Variants in TEAD2 observed in about 807,000 individuals in gnomAD.
TEAD2 encodes the protein TEA domain transcription factor 2.
TEAD2 carries 51 observed loss-of-function variants against 61.4 expected under a neutral mutation model. The observed-to-expected ratio is 0.83, with a 90% CI of 0.66 to 1.05. The LOEUF is 1.05. TEAD2 is among the 50% of genes least tolerant of loss of function. The pLI is 0.00. For synonymous variants in TEAD2, 244 were observed against 243.2 expected (o/e 1.00, Z -0.03); for missense variants, 509 against 600.0 (o/e 0.85, Z 1.58).
rs905789005 is a variant in TEAD2, at chr19:49,347,078, T to C, written c.921+112A>G. 4.6e-5 allele frequency: 64 copies of C among 1,394,708 alleles called. No homozygotes were observed. In the East Asian group the frequency reaches 1.5e-3, roughly 32 times the overall value. The allele number at this position is 1,394,708 out of a possible 1,614,324, so 86.4% of individuals were successfully genotyped here. A position where few individuals can be genotyped will look rare whatever the true frequency, so the allele number is the denominator to read the frequency against. ...ACTCCAAGCCATGAGGACTGACTGG[T>C]AAGTCCCAGGCTGACCTGGTAGGGC... On this transcript the variant is annotated intron_variant, in intron 10 of 12. Coordinates refer to ENST00000593945, the MANE Select transcript of TEAD2 (RefSeq NM_001256660.2).
At chr19:49,356,186 T>C (rs1972381389) in intron 4 of TEAD2, 1 of 389,892 alleles carries the variant, frequency 2.6e-6, no homozygotes, top group Non-Finnish European at 4.5e-6. Flanking sequence ...TGATGGGGGT[T>C]TCTAGAACAA....
Position 49,360,051 on chromosome 19 carries a change from C to T in TEAD2, c.25G>A (p.Ala9Thr), listed in dbSNP as rs768259774. The T allele has an allele frequency of 1.7e-5, 27 of 1,606,932 alleles. No individual in the cohort carries two copies. The highest frequency in any genetic ancestry group is 2.0e-5 in the Non-Finnish European group (24 of 1,179,790). Residue 9 changes from alanine (A) to threonine (T), a missense_variant, in exon 2 of 13, where the codon GCC becomes ACC. Ala to Thr is a moderately conservative substitution (Grantham distance 58). Coordinates refer to ENST00000593945, the MANE Select transcript of TEAD2 (RefSeq NM_001256660.2). Reference protein sequence around the residue: MGEPRAGAALDDGSGWTGS... With the variant: MGEPRAGATLDDGSGWTGS... ...GTCCAGCCGCTGCCATCGTCCAGGG[C>T]GGCCCCAGCCCGGGGTTCCCCCATC... is the stretch of plus-strand genomic sequence containing the variant.
intron 10 of TEAD2, among the ~76,000 whole-genome samples, chr19:49,346,934 G>A (rs1971682516): frequency 6.6e-6 from 1 of 152,188 alleles, no homozygotes; most frequent in Admixed American, 6.5e-5. Context: ...ACATGGCCAG[G>A]TAACTCACCG....
chr19:49,349,646 C>CCT (rs1841837363), intron 8 of TEAD2, among the ~76,000 whole-genome samples: 1 of 152,068 alleles, frequency 6.6e-6, no homozygotes. Context: ...TCTCTTGCTC[C>CCT]CTCTCACCAT....
Position 49,340,617 on chromosome 19 carries a change from C to T in TEAD2, c.*707G>A. ...GCGTTTTTGGTAAAATAGCTTTATCCTCTGTCAGAACACAAACAAACAAAC... is the reference window on the plus strand; with the variant it reads ...GCGTTTTTGGTAAAATAGCTTTATCTTCTGTCAGAACACAAACAAACAAAC... On this transcript the variant is annotated 3_prime_UTR_variant, in exon 13 of 13. Coordinates refer to ENST00000593945, the MANE Select transcript of TEAD2 (RefSeq NM_001256660.2). The T allele has an allele frequency of 3.6e-6, 2 of 559,422 alleles. No homozygotes were observed. Among genetic ancestry groups the T allele is most frequent in the Non-Finnish European group, 3.2e-6 (1 of 311,036 alleles). 34.7% of individuals were successfully genotyped at this position (559,422 alleles called of 1,614,324 possible).
chr19:49,354,782 G>A (rs1179860014), intron 7 of TEAD2, among the ~76,000 whole-genome samples: 3 of 151,988 alleles, frequency 2.0e-5, no homozygotes, highest in Non-Finnish European at 4.4e-5. Context: ...GGTGGATCAC[G>A]AGGTCAGGAG....
rs1174117995 is a variant in TEAD2, at chr19:49,342,450, G to A, written c.1230C>T (p.Phe410=). ...CCCCAGGCATCACCTGGAGGATGGT[G>A]AAGTTTTCCAGGACGCTGTTCATCA... The part of the protein sequence containing the change: ...RYMMNSVLEN[F]TILQVVTNRD... Residue 410 remains phenylalanine (F), a synonymous_variant, in exon 12 of 13, where the codon TTC becomes TTT. Transcript: ENST00000593945. 1 of 1,613,700 alleles carries A rather than the reference G, an allele frequency of 6.2e-7. No individual in the cohort carries two copies. Among genetic ancestry groups the A allele is most frequent in the Admixed American group, 1.7e-5 (1 of 60,020 alleles).
chr19:49,342,139 C>A (rs997094414), intron 12 of TEAD2, among the ~76,000 whole-genome samples: 2 of 151,990 alleles, frequency 1.3e-5, no homozygotes, highest in Non-Finnish European at 2.9e-5. Flanking sequence ...TTGCAGTGAG[C>A]CGAGATCTTG....
chr19:49,360,065 G>T lies in TEAD2; in HGVS notation c.11C>A (p.Pro4His). 1 of 1,605,540 alleles carries T rather than the reference G, an allele frequency of 6.2e-7. No individual in the cohort carries two copies. The change falls in exon 2 of 13, where the codon CCC (proline) becomes CAC (histidine). Residue 4 changes from proline to histidine, a missense_variant. Coordinates refer to ENST00000593945, the MANE Select transcript of TEAD2 (RefSeq NM_001256660.2). MGE[P>H]RAGAALDDGS... is the part of the protein sequence containing the mutation. Reference sequence around the variant, plus strand: ...ATCGTCCAGGGCGGCCCCAGCCCGGGGTTCCCCCATCTGGGCCTGGAGGAA... The same window carrying T: ...ATCGTCCAGGGCGGCCCCAGCCCGGTGTTCCCCCATCTGGGCCTGGAGGAA...
At chr19:49,343,858 G>A (rs1458463276) in intron 10 of TEAD2, among the ~76,000 whole-genome samples, 1 of 147,250 alleles carries the variant, frequency 6.8e-6, no homozygotes, top group African/African-American at 2.5e-5. Context: ...TTTTTTTTGG[G>A]GGGGGGGGAA....
At chr19:49,344,861 C>G (rs1309568284) in intron 10 of TEAD2, among the ~76,000 whole-genome samples, 3 of 152,154 alleles carry the variant, frequency 2.0e-5, no homozygotes, top group African/African-American at 7.2e-5. Flanking sequence ...AGACAGCTGG[C>G]CAAGTGTCAC....
intron 3 of TEAD2, among the ~76,000 whole-genome samples, chr19:49,358,428 C>A (rs1972548917): frequency 6.6e-6 from 1 of 151,782 alleles, no homozygotes; most frequent in Non-Finnish European, 1.5e-5. Context: ...ACAACAACAA[C>A]AAAAAGATCT....
Position 49,341,239 on chromosome 19 carries a change from C to T in TEAD2, c.*85G>A. 1 of 1,182,634 alleles carries T rather than the reference C, an allele frequency of 8.5e-7. No homozygotes were observed. Among genetic ancestry groups the T allele is most frequent in the East Asian group, 2.3e-5 (1 of 42,676 alleles). The allele number at this position is 1,182,634 out of a possible 1,614,324, so 73.3% of individuals were successfully genotyped here. A position where few individuals can be genotyped will look rare whatever the true frequency, so the allele number is the denominator to read the frequency against. On this transcript the variant is annotated 3_prime_UTR_variant, in exon 13 of 13. Transcript: ENST00000593945. This position sits in a 1 kb window ranked among gnomAD's most constrained non-coding sequence, Gnocchi z 4.2. ...AACCCCTTTACATCACAGCCCTCTC[C>T]CCAAATAAGAAGCATGAGGTGAGCT... is the stretch of plus-strand genomic sequence containing the variant.
chr19:49,357,385 C>G (rs577618368), intron 3 of TEAD2, 71 bp from the exon 4 acceptor site: 1 of 1,476,248 alleles, frequency 6.8e-7, no homozygotes, highest in East Asian at 2.3e-5. Context: ...CCTTCTCTCC[C>G]TCCAGGTGCC....
intron 4 of TEAD2, 137 bp from the exon 5 acceptor site, chr19:49,356,107 G>T: frequency 1.6e-6 from 1 of 631,346 alleles, no homozygotes; most frequent in Non-Finnish European, 2.3e-6. Flanking sequence ...GCCAAGGGAT[G>T]GATGCGCAAC....
intron 3 of TEAD2, among the ~76,000 whole-genome samples, chr19:49,357,926 T>C (rs1972513794): frequency 6.6e-6 from 1 of 152,094 alleles, no homozygotes; most frequent in South Asian, 2.1e-4. Context: ...GGTGAAACCC[T>C]GTCTCTACTA....
rs1231884449 is a variant in TEAD2, at chr19:49,341,635, T to C, written c.1243-198A>G. ...TGGGCAATGGGGGTTACCCCTCAGCTGAGCGTTGGCAGTTATGGTGTATCA... is the reference window on the plus strand; with the variant it reads ...TGGGCAATGGGGGTTACCCCTCAGCCGAGCGTTGGCAGTTATGGTGTATCA... On this transcript the variant is annotated intron_variant, in intron 12 of 12. Coordinates refer to ENST00000593945, the MANE Select transcript of TEAD2 (RefSeq NM_001256660.2). This position sits in a 1 kb window ranked among gnomAD's most constrained non-coding sequence, Gnocchi z 4.2. 6.6e-6 allele frequency among the ~76,000 whole-genome samples: 1 copy of C among 152,138 alleles called. No homozygotes were observed. Among genetic ancestry groups the C allele is most frequent in the Admixed American group, 6.5e-5 (1 of 15,274 alleles).
At chr19:49,350,869 T>C (rs1971973005) in intron 8 of TEAD2, among the ~76,000 whole-genome samples, 1 of 152,046 alleles carries the variant, frequency 6.6e-6, no homozygotes, top group African/African-American at 2.4e-5. Context: ...GCCTCAAAGC[T>C]GGGCTTCAGT....
chr19:49,361,579 G>A (rs893731860), intron 1 of TEAD2: 2 of 152,112 alleles, frequency 1.3e-5, no homozygotes, highest in African/African-American at 2.4e-5. Flanking sequence ...CGGCCAGGGC[G>A]ACTCCCCTCC....
Sources: gnomAD v4.1 joint callset for allele counts (sites outside exome capture counted in the v4.1 genomes callset) on GRCh38, gnomAD v4.1.1 for gene constraint, Gnocchi (gnomAD v3.1) non-coding constraint, MANE v1.5 for transcripts, NCBI Gene and HGNC (gene_info 2026-07-23, HGNC 2026-07-21) for gene names.